The following MAP3K9 variants were observed in gnomAD, a reference collection of about 807,000 sequenced individuals.
MAP3K9 encodes the protein mitogen-activated protein kinase kinase kinase 9, also known as mixed lineage kinase 1 (tyr and ser/thr specificity).
A neutral mutation model predicts 95.8 loss-of-function variants in MAP3K9; 46 were observed. The observed-to-expected ratio is 0.48, with a 90% CI of 0.38 to 0.61. The LOEUF (loss-of-function observed/expected upper bound fraction) is 0.61, where lower values mean the gene tolerates loss of function less well. Among genes scored for constraint, MAP3K9 ranks in the 20% least tolerant of loss-of-function variants. The pLI is 0.00. For missense variants in MAP3K9, 1,296 were observed against 1,474.3 expected (o/e 0.88, Z 1.98); for synonymous variants, 533 against 593.8 (o/e 0.90, Z 1.49).
rs760244410 is a variant in MAP3K9 at position 70,730,611 on chromosome 14, C to A, written c.3084G>T (p.Thr1028=). 1.9e-6 allele frequency: 3 copies of A among 1,613,914 alleles called. No individual in the cohort carries two copies. Among genetic ancestry groups the A allele is most frequent in the East Asian group, 2.2e-5 (1 of 44,876 alleles). ...CAAAGCAGGAGTCCAGGTTGCTGGG[C>A]GTCTCTGTGCTGGAGCTGTTGGCTG... ...TSPANSSSTE[T]PSNLDSCFAS... is the part of the protein sequence containing the mutation. The change falls in exon 12 of 12, where the codon ACG becomes ACT. Residue 1028 remains threonine (T), a synonymous_variant. Transcript: ENST00000554752.
In MAP3K9 at chr14:70,724,670, G is replaced by T. The variant is rs751838340; in HGVS notation, c.*5710C>A. ...TTTAAGTCAGGCTTTGTCTGGGTTG[G>T]TGTCCAGGTGTGAAGGATCTCAGGA... On this transcript the variant is annotated 3_prime_UTR_variant, in exon 12 of 12. Coordinates refer to ENST00000554752, the MANE Select transcript of MAP3K9 (RefSeq NM_001284230.2). The T allele has an allele frequency of 6.6e-6, 1 of 152,218 alleles. No individual in the cohort carries two copies. Among genetic ancestry groups the T allele is most frequent in the Non-Finnish European group, 1.5e-5 (1 of 68,032 alleles). The allele number at this position is 152,218 out of a possible 1,614,324, so 9.4% of individuals were successfully genotyped here.
rs2139695857 is a variant in MAP3K9 at position 70,730,277 on chromosome 14, T to G, written c.*103A>C. 6.8e-7 allele frequency: 1 copy of G among 1,471,402 alleles called. No individual in the cohort carries two copies. Among genetic ancestry groups the G allele is most frequent in the African/African-American group, 1.4e-5 (1 of 71,244 alleles). The allele number at this position is 1,471,402 out of a possible 1,614,324, so 91.1% of individuals were successfully genotyped here. ...CAAAGTGCATTATCAGTGCAAGAAGTAGGGCTGGATCTCAGGGGGTCCAAC... is the reference window on the plus strand; with the variant it reads ...CAAAGTGCATTATCAGTGCAAGAAGGAGGGCTGGATCTCAGGGGGTCCAAC... On this transcript the variant is annotated 3_prime_UTR_variant, in exon 12 of 12. Coordinates refer to ENST00000554752, the MANE Select transcript of MAP3K9 (RefSeq NM_001284230.2).
chr14:70,755,862 T>A (rs1159420116), intron 3 of MAP3K9, among the ~76,000 whole-genome samples: 2 of 152,188 alleles, frequency 1.3e-5, no homozygotes, highest in African/African-American at 4.8e-5. Flanking sequence ...TGGGAACAAG[T>A]CTAGACTAGA....
chr14:70,739,894 G>A (rs772021720), intron 7 of MAP3K9, 148 bp downstream of exon 7: 17 of 1,603,734 alleles, frequency 1.1e-5, no homozygotes, highest in Middle Eastern at 1.7e-4. Flanking sequence ...AAGGGTTTGC[G>A]TACATATGTG....
chr14:70,754,502 T>C (rs1337707405), intron 3 of MAP3K9, among the ~76,000 whole-genome samples: 1 of 152,172 alleles, frequency 6.6e-6, no homozygotes, highest in African/African-American at 2.4e-5. Flanking sequence ...GACAGAGTCT[T>C]GCTCTGTCGC....
chr14:70,805,618 T>C (rs1014221125), intron 1 of MAP3K9, among the ~76,000 whole-genome samples: 2 of 152,234 alleles, frequency 1.3e-5, no homozygotes, highest in Non-Finnish European at 2.9e-5. Context: ...TTTCCCCTTC[T>C]GTTTTGAATA....
At chr14:70,733,629 G>A (rs1433254651) in intron 10 of MAP3K9, 5 of 677,558 alleles carry the variant, frequency 7.4e-6, no homozygotes, top group Non-Finnish European at 1.4e-5. Flanking sequence ...ATAGTGACTT[G>A]GGTATCCACT....
rs989969023 is a variant in MAP3K9, at chr14:70,809,187, T to C, written c.-16A>G. On this transcript the variant is annotated 5_prime_UTR_variant, in exon 1 of 12. An upstream start codon of the reference 5' UTR is lost. Transcript: ENST00000554752. The stretch of plus-strand genomic sequence containing the variant: ...AGGGCTCCATGGAGCGGCCGATCCA[T>C]AGGGTGCGGGGCCGCCGCCGCCCGC... 6.8e-6 allele frequency: 9 copies of C among 1,325,148 alleles called. No individual in the cohort carries two copies. The highest frequency in any genetic ancestry group is 4.3e-5 in the South Asian group (2 of 46,886). 82.1% of individuals were successfully genotyped at this position (1,325,148 alleles called of 1,614,324 possible).
rs2054188620 is a variant in MAP3K9, at chr14:70,748,978, G to A, written c.1177C>T (p.Arg393Ter). Residue 393 changes from arginine to a stop codon, truncating the protein, a stop_gained, in exon 5 of 12, where the codon CGA becomes TGA. Coordinates refer to ENST00000554752, the MANE Select transcript of MAP3K9 (RefSeq NM_001284230.2). LOFTEE classifies it high-confidence loss of function. ...TCCAGGATATTCGTGAAAGATGGTC[G>A]TGAGTGGGGATCAGGATTCCAGCAG... ...EDCWNPDPHS[R>*]PSFTNILDQL... The A allele has an allele frequency of 1.9e-6, 3 of 1,613,772 alleles. No homozygotes were observed. The highest frequency in any genetic ancestry group is 1.7e-6 in the Non-Finnish European group (2 of 1,179,898).
Position 70,730,580 on chromosome 14 carries a change from T to C in MAP3K9, c.3115A>G (p.Ser1039Gly), listed in dbSNP as rs778649452. The change falls in exon 12 of 12, where the codon AGT (serine) becomes GGT (glycine). Residue 1039 changes from serine (S) to glycine (G), a missense_variant. Physicochemically the swap from Ser to Gly is moderately conservative, Grantham distance 56. This residue lies in a region of MAP3K9 where 433 missense variants were observed against 441.4 expected (regional missense o/e 0.98). Coordinates refer to ENST00000554752, the MANE Select transcript of MAP3K9 (RefSeq NM_001284230.2). ...PSNLDSCFAS[S>G]SSTVEERPGL... ...GGCCGCTCCTCTACAGTGCTGCTACTGCTAGCAAAGCAGGAGTCCAGGTTG... is the reference window on the plus strand; with the variant it reads ...GGCCGCTCCTCTACAGTGCTGCTACCGCTAGCAAAGCAGGAGTCCAGGTTG... 6.2e-6 allele frequency: 10 copies of C among 1,614,088 alleles called. No homozygotes were observed. In the Admixed American group the frequency reaches 1.7e-4, roughly 27 times the overall value.
At position 70,789,672 on chromosome 14, in the gene MAP3K9, G is replaced by T. The variant is rs145176593; in HGVS notation, c.820+10995C>A. Among the ~76,000 whole-genome samples, 23 of 152,274 alleles carry T rather than the reference G, an allele frequency of 1.5e-4. No individual in the cohort carries two copies. The East Asian group carries it at 4.2e-3, about 28-fold the overall frequency. On this transcript the variant is annotated intron_variant, in intron 2 of 11. Transcript: ENST00000554752. ...GGCGGTGTTTCTTCCATTAGACCAC[G>T]GTGGTTCCCAAAACCAATCTTAAGG...
chr14:70,801,998 C>T (rs2054935731), intron 1 of MAP3K9, among the ~76,000 whole-genome samples: 2 of 152,134 alleles, frequency 1.3e-5, no homozygotes, highest in Admixed American at 6.5e-5. Context: ...GTCTTTAAAG[C>T]CATTCTGAGG....
rs1245511809 is a variant in MAP3K9, at chr14:70,809,267, C to G, written c.-96G>C. ...CCTCCGCAGAGCTGGGAGGACCCCC[C>G]CCCAACGACGGCGGCCGCAGGTAGG... On this transcript the variant is annotated 5_prime_UTR_variant, in exon 1 of 12. Transcript: ENST00000554752. 4 of 1,238,402 alleles carry G rather than the reference C, an allele frequency of 3.2e-6. No homozygotes were observed. Among genetic ancestry groups the G allele is most frequent in the Admixed American group, 8.5e-5 (2 of 23,614 alleles). 76.7% of individuals were successfully genotyped at this position (1,238,402 alleles called of 1,614,324 possible).
intron 2 of MAP3K9, among the ~76,000 whole-genome samples, chr14:70,772,141 C>T (rs1031298891): frequency 2.0e-5 from 3 of 152,136 alleles, no homozygotes; most frequent in African/African-American, 7.2e-5. Flanking sequence ...GGAAGGGAGA[C>T]GCCAGCAGCA....
intron 6 of MAP3K9, among the ~76,000 whole-genome samples, chr14:70,741,582 T>C (rs1186199502): frequency 6.6e-6 from 1 of 152,250 alleles, no homozygotes; most frequent in Non-Finnish European, 1.5e-5. Context: ...AACAAATGCA[T>C]GTTTATTCAA....
chr14:70,780,649 T>C (rs997910648), intron 2 of MAP3K9, among the ~76,000 whole-genome samples: 4 of 152,108 alleles, frequency 2.6e-5, no homozygotes, highest in African/African-American at 9.7e-5. Flanking sequence ...ATCCCTCACC[T>C]CATCCAGGCG....
intron 2 of MAP3K9, among the ~76,000 whole-genome samples, chr14:70,793,742 A>G (rs1177216161): frequency 6.6e-6 from 1 of 152,154 alleles, no homozygotes; most frequent in Non-Finnish European, 1.5e-5. Context: ...GCTGGGAGCT[A>G]AAGACACAAA....
chr14:70,761,311 T>G (rs191346766), intron 2 of MAP3K9, 129 bp from the exon 3 acceptor site: 3 of 713,670 alleles, frequency 4.2e-6, no homozygotes, highest in Non-Finnish European at 6.9e-6. Flanking sequence ...CATGGATTGA[T>G]GGTCAGAGCC....
intron 4 of MAP3K9, among the ~76,000 whole-genome samples, chr14:70,749,365 C>T (rs1376045530): frequency 6.6e-6 from 1 of 152,202 alleles, no homozygotes; most frequent in African/African-American, 2.4e-5. Context: ...ATGCCCTGGG[C>T]TTCAGTTTCC....
Sources: allele counts gnomAD v4.1 joint callset (sites outside exome capture counted in the v4.1 genomes callset), GRCh38; gene constraint gnomAD v4.1.1; regional missense constraint gnomAD v4.1.1; transcripts MANE v1.5; gene names NCBI Gene and HGNC (gene_info 2026-07-23, HGNC 2026-07-21).